Variants in SLC8A2 observed in about 807,000 individuals in gnomAD.
SLC8A2 encodes sodium/calcium exchanger 2.
A neutral mutation model predicts 70.2 loss-of-function variants in SLC8A2; 14 were observed. The observed-to-expected ratio is 0.20, with a 90% confidence interval of 0.13 to 0.31. The LOEUF is 0.31. SLC8A2 is among the 10% of genes least tolerant of loss of function. The pLI is 1.00. For missense variants in SLC8A2, 779 were observed against 1,320.1 expected (o/e 0.59, Z 6.35); for synonymous variants, 575 against 594.3 (o/e 0.97, Z 0.47).
intron 1 of SLC8A2, among the ~76,000 whole-genome samples, chr19:47,467,456 C>T (rs1259561153): frequency 2.0e-5 from 3 of 152,230 alleles, no homozygotes; most frequent in East Asian, 1.9e-4. Context: ...TGGAGGGTCT[C>T]ATTCATGTCC....
chr19:47,459,192 C>G (rs143185515), intron 2 of SLC8A2, among the ~76,000 whole-genome samples: 251 of 151,854 alleles, frequency 1.7e-3, no homozygotes, highest in Non-Finnish European at 2.6e-3. Context: ...ACATTTCTCT[C>G]TCTCCATCTC....
chr19:47,457,369 C>T lies in SLC8A2; in HGVS notation c.901G>A (p.Gly301Ser), dbSNP rs1191262908. The stretch of plus-strand genomic sequence containing the variant: ...TCCAGCTCGCGCGCCTCGGCGGGGC[C>T]CGGGCCCAGGCCGCCCAGCTCACCT... ...APGELGGLGP[G>S]PAEARELDAS... The change falls in exon 3 of 10, where the codon GGC becomes AGC. Residue 301 changes from glycine (G) to serine (S), a missense_variant. Coordinates refer to ENST00000236877, the MANE Select transcript of SLC8A2 (RefSeq NM_015063.3). 3.9e-6 allele frequency: 6 copies of T among 1,545,652 alleles called. No homozygotes were observed. In the Middle Eastern group the frequency reaches 5.6e-4, roughly 143 times the overall value.
chr19:47,458,300 C>T (rs1180246752), intron 2 of SLC8A2, among the ~76,000 whole-genome samples: 2 of 119,118 alleles, frequency 1.7e-5, no homozygotes, highest in African/African-American at 3.3e-5. Flanking sequence ...TCTTCTTTCC[C>T]CATCTCTCTC....
At position 47,470,085 on chromosome 19, in the gene SLC8A2, G is replaced by A. The variant is rs558235597; in HGVS notation, c.-17+1704C>T. On this transcript the variant is annotated intron_variant, in intron 1 of 9. Transcript: ENST00000236877. ...TTGGGGGGCTGGCCCTTGCAGGACCGAGCTGGGGACTCAGACTTCTAAACA... is the reference window on the plus strand; with the variant it reads ...TTGGGGGGCTGGCCCTTGCAGGACCAAGCTGGGGACTCAGACTTCTAAACA... Among the ~76,000 whole-genome samples, 13 of 152,252 alleles carry A rather than the reference G, an allele frequency of 8.5e-5. No individual in the cohort carries two copies. In the East Asian group the frequency reaches 1.2e-3, roughly 14 times the overall value.
intron 2 of SLC8A2, 32 bp from the exon 3 acceptor site, chr19:47,457,626 G>C (rs776113545): frequency 2.8e-6 from 4 of 1,436,168 alleles, no homozygotes; most frequent in Non-Finnish European, 3.7e-6. Context: ...GCGAGGCCGG[G>C]CGGGCCGCCT....
chr19:47,456,233 AGTGGT>A (rs1270461274), intron 3 of SLC8A2, among the ~76,000 whole-genome samples: 2 of 152,224 alleles, frequency 1.3e-5, no homozygotes, highest in Non-Finnish European at 2.9e-5. Flanking sequence ...ATGCAGGAGG[AGTGGT>A]GTGAAGACTG....
intron 8 of SLC8A2, among the ~76,000 whole-genome samples, chr19:47,434,787 CAAAG>C (rs1056532032): frequency 3.3e-5 from 5 of 152,264 alleles, no homozygotes; most frequent in Admixed American, 2.6e-4. Context: ...GCTCGCACAG[CAAAG>C]AACCAAAAGG....
intron 3 of SLC8A2, among the ~76,000 whole-genome samples, chr19:47,452,350 G>A (rs539121254): frequency 2.7e-5 from 4 of 149,496 alleles, no homozygotes; most frequent in Admixed American, 1.4e-4. Flanking sequence ...GAGTAGCAGC[G>A]ACTACAGGCA....
chr19:47,449,977 C>T (rs907238876), intron 3 of SLC8A2, among the ~76,000 whole-genome samples: 1 of 152,072 alleles, frequency 6.6e-6, no homozygotes, highest in Non-Finnish European at 1.5e-5. Context: ...CCATAAGATA[C>T]TCTGTAATGG....
intron 3 of SLC8A2, among the ~76,000 whole-genome samples, chr19:47,449,480 C>G (rs1304651638): frequency 6.6e-6 from 1 of 152,240 alleles, no homozygotes; most frequent in East Asian, 1.9e-4. Context: ...TGCCACCATG[C>G]CTGGCTAATT....
Position 47,447,963 on chromosome 19 carries a change from A to T in SLC8A2, c.1609T>A (p.Cys537Ser), listed in dbSNP as rs1967188857. 10 of 1,561,036 alleles carry T rather than the reference A, an allele frequency of 6.4e-6. No homozygotes were observed. The highest frequency in any genetic ancestry group is 8.7e-6 in the Non-Finnish European group (10 of 1,152,736). Residue 537 changes from cysteine (C) to serine (S), a missense_variant, in exon 4 of 10, where the codon TGC becomes AGC. Transcript: ENST00000236877. The surrounding 1 kb of genome is among the most constrained non-coding windows in gnomAD (Gnocchi z 5.1). The stretch of plus-strand genomic sequence containing the variant: ...ACGCGCACGTCCACGGTGCCCATGC[A>T]CTCGCTCACGTGCAGCAGGCGGTCC... ...FQDRLLHVSE[C>S]MGTVDVRVVR... is the part of the protein sequence containing the mutation.
intron 6 of SLC8A2, among the ~76,000 whole-genome samples, chr19:47,439,644 C>CCTCCCCT (rs1967075914): frequency 1.6e-5 from 1 of 62,452 alleles, no homozygotes; most frequent in Non-Finnish European, 2.9e-5. Context: ...CTTCCTTCCT[C>CCTCCCCT]CCCTCCCTCC....
At chr19:47,441,779 G>C (rs1052922546) in intron 4 of SLC8A2, among the ~76,000 whole-genome samples, 11 of 152,084 alleles carry the variant, frequency 7.2e-5, no homozygotes, top group Admixed American at 4.6e-4. Context: ...AATATATTGA[G>C]AGCCCATCTC....
rs1418472198 is a variant in SLC8A2, at chr19:47,432,974, C to T, written c.2111-529G>A. Among the ~76,000 whole-genome samples, 1 of 151,820 alleles carries T rather than the reference C, an allele frequency of 6.6e-6. No homozygotes were observed. The highest frequency in any genetic ancestry group is 1.5e-5 in the Non-Finnish European group (1 of 67,980). On this transcript the variant is annotated intron_variant, in intron 8 of 9. Coordinates refer to ENST00000236877, the MANE Select transcript of SLC8A2 (RefSeq NM_015063.3). The surrounding 1 kb of genome is among the most constrained non-coding windows in gnomAD (Gnocchi z 6.2). Reference sequence around the variant, plus strand: ...TCCCAGAATCCCTTGAAGCTAGGAGCATGAATGGACCCAGGTGAAAAATAT... The same window carrying T: ...TCCCAGAATCCCTTGAAGCTAGGAGTATGAATGGACCCAGGTGAAAAATAT...
Position 47,447,920 on chromosome 19 carries a change from G to A in SLC8A2, c.1652C>T (p.Ala551Val). ...VDVRVVRSSG[A>V]RGTVRLPYRT... The stretch of plus-strand genomic sequence containing the variant: ...GTAGGGAAGGCGCACGGTGCCGCGC[G>A]CGCCCGAGCTGCGCACGACGCGCAC... Residue 551 changes from alanine (A) to valine (V), a missense_variant, in exon 4 of 10, where the codon GCG (alanine) becomes GTG (valine). Around this residue, in one of 6 missense-constraint regions of SLC8A2, gnomAD observed 247 missense variants for 362.8 expected, o/e 0.68. Coordinates refer to ENST00000236877, the MANE Select transcript of SLC8A2 (RefSeq NM_015063.3). The surrounding 1 kb of genome is among the most constrained non-coding windows in gnomAD (Gnocchi z 5.1). The A allele has an allele frequency of 6.4e-7, 1 of 1,568,166 alleles. No homozygotes were observed. Among genetic ancestry groups the A allele is most frequent in the Non-Finnish European group, 8.6e-7 (1 of 1,157,496 alleles).
chr19:47,464,857 C>T (rs1441383261), intron 2 of SLC8A2, among the ~76,000 whole-genome samples: 2 of 152,158 alleles, frequency 1.3e-5, no homozygotes, highest in South Asian at 2.1e-4. Flanking sequence ...ATTAGGCAAA[C>T]GTTGTCAAGG....
At chr19:47,452,903 CA>C (rs1251046293) in intron 3 of SLC8A2, among the ~76,000 whole-genome samples, 1 of 152,020 alleles carries the variant, frequency 6.6e-6, no homozygotes, top group Non-Finnish European at 1.5e-5. Context: ...TGTGGCGGTG[CA>C]CACCTGTAAT....
Position 47,447,422 on chromosome 19 carries a change from C to A in SLC8A2, c.1763+387G>T. On this transcript the variant is annotated intron_variant, in intron 4 of 9. Transcript: ENST00000236877. This position sits in a 1 kb window ranked among gnomAD's most constrained non-coding sequence, Gnocchi z 5.1. The stretch of plus-strand genomic sequence containing the variant: ...CCTCGTCCCCCCTTCCTCCTTGGGG[C>A]CCTCTTCTCACCTGTCCGGCCACCC... 3.7e-6 allele frequency: 1 copy of A among 270,886 alleles called. No homozygotes were observed. Among genetic ancestry groups the A allele is most frequent in the Non-Finnish European group, 7.0e-6 (1 of 141,910 alleles). The allele number at this position is 270,886 out of a possible 1,614,324, so 16.8% of individuals were successfully genotyped here.
intron 8 of SLC8A2, among the ~76,000 whole-genome samples, chr19:47,434,804 C>T (rs929401090): frequency 1.6e-4 from 24 of 152,142 alleles, no homozygotes; most frequent in Admixed American, 1.1e-3. Context: ...CCAAAAGGCA[C>T]GTGCTGAACA....
Sources: allele counts gnomAD v4.1 joint callset (sites outside exome capture counted in the v4.1 genomes callset), GRCh38; gene constraint gnomAD v4.1.1; regional missense constraint gnomAD v4.1.1; non-coding constraint Gnocchi (gnomAD v3.1); transcripts MANE v1.5; gene names NCBI Gene and HGNC (gene_info 2026-07-23, HGNC 2026-07-21).